Variants in FAM83A observed in about 807,000 individuals in gnomAD.
The protein encoded by FAM83A is scaffolding CK1 anchoring protein A.
A neutral mutation model predicts 24.4 loss-of-function variants in FAM83A; 21 were observed. The observed-to-expected ratio is 0.86, with a 90% CI of 0.61 to 1.24. The LOEUF (loss-of-function observed/expected upper bound fraction) is 1.24, where lower values mean the gene tolerates loss of function less well. FAM83A is among the 50% of genes most tolerant of loss of function. The pLI, the probability that FAM83A is intolerant of heterozygous loss-of-function variation, is 0.00. For missense variants in FAM83A, 617 were observed against 579.8 expected (o/e 1.06, Z -0.66); for synonymous variants, 270 against 252.4 (o/e 1.07, Z -0.66).
chr8:123,197,458 G>A (rs1398624255), intron 3 of FAM83A, among the ~76,000 whole-genome samples: 2 of 152,262 alleles, frequency 1.3e-5, no homozygotes, highest in East Asian at 1.9e-4. Context: ...TTAACATAAC[G>A]TTTTCCAGGC....
exon 4 of FAM83A, chr8:123,207,726 T>C: frequency 7.0e-7 from 1 of 1,428,596 alleles, no homozygotes; most frequent in Non-Finnish European, 9.1e-7. Flanking sequence ...GGCCCAGGGC[T>C]GGGCACTCCC....
At chr8:123,184,010 A>G (rs751372287) in intron 1 of FAM83A, among the ~76,000 whole-genome samples, 2 of 152,092 alleles carry the variant, frequency 1.3e-5, no homozygotes, top group Non-Finnish European at 2.9e-5. Context: ...TTTCTGTACG[A>G]CAAATCTAAT....
chr8:123,188,470 GTTTC>G (rs1212882346), intron 1 of FAM83A, among the ~76,000 whole-genome samples: 1 of 150,450 alleles, frequency 6.6e-6, no homozygotes, highest in African/African-American at 2.4e-5. Context: ...TTCTTTTTTC[GTTTC>G]TTTTTCTTTC....
At chr8:123,200,960 AAAAAAAAAATAT>A (rs1824330216) in intron 3 of FAM83A, among the ~76,000 whole-genome samples, 1 of 107,890 alleles carries the variant, frequency 9.3e-6, no homozygotes, top group South Asian at 2.8e-4. Flanking sequence ...AAATAAACAA[AAAAAAAAAATAT>A]ATATATATAT....
intron 1 of FAM83A, among the ~76,000 whole-genome samples, chr8:123,184,321 G>T (rs1435364952): frequency 2.0e-5 from 3 of 152,066 alleles, no homozygotes; most frequent in African/African-American, 7.2e-5. Context: ...ATGTAACGGG[G>T]CCACTCCGCT....
In FAM83A at chr8:123,207,581, A is replaced by T. The variant is rs759893635; in HGVS notation, c.1198A>T (p.Asn400Tyr). Residue 400 changes from asparagine (N) to tyrosine (Y), a missense_variant, in exon 4 of 4, where the codon AAC becomes TAC. By Grantham distance (143) the Asn-to-Tyr change is moderately radical (BLOSUM62 -2). Transcript: ENST00000690554. The stretch of plus-strand genomic sequence containing the variant: ...CGGCCCGCCCGCCGCTGTCTACAGC[A>T]ACCTGGGGGCCTACAGGCCCACGCG... 139 of 1,574,802 alleles carry T rather than the reference A, an allele frequency of 8.8e-5. No individual in the cohort carries two copies. The highest frequency in any genetic ancestry group is 1.2e-4 in the Non-Finnish European group (137 of 1,166,286).
At chr8:123,182,571 C>T (rs1823630245), upstream of FAM83A, 1 of 628,406 alleles carries the variant, frequency 1.6e-6, no homozygotes, top group Non-Finnish European at 3.0e-6. Context: ...TATCCCATGG[C>T]TGACTGTGCC....
At chr8:123,196,050 C>T (rs1824140674) in intron 3 of FAM83A, among the ~76,000 whole-genome samples, 1 of 152,248 alleles carries the variant, frequency 6.6e-6, no homozygotes, top group Non-Finnish European at 1.5e-5. Flanking sequence ...CTCGCTCTGT[C>T]ACCCAGGCTG....
At chr8:123,192,069 T>A in intron 2 of FAM83A, 99 bp downstream of exon 2, 2 of 1,362,044 alleles carry the variant, frequency 1.5e-6, no homozygotes, top group Non-Finnish European at 2.0e-6. Flanking sequence ...GTTAATAGCT[T>A]AACACAATAA....
At chr8:123,206,843 G>T (rs1824566917) in intron 3 of FAM83A, among the ~76,000 whole-genome samples, 1 of 152,094 alleles carries the variant, frequency 6.6e-6, no homozygotes, top group African/African-American at 2.4e-5. Context: ...GCCCCGAGGG[G>T]ACCCACAACT....
chr8:123,181,082 G>C (rs554925052), upstream of FAM83A, among the ~76,000 whole-genome samples: 44 of 152,270 alleles, frequency 2.9e-4, no homozygotes, highest in African/African-American at 9.6e-4. Flanking sequence ...CAGTAGCTGG[G>C]ACTACAGGCG....
chr8:123,209,540 A>T lies in FAM83A; in HGVS notation c.*1852A>T. ...TGTTTCACAGCTGACGGCTGAGATG[A>T]GGTTAGAATGACTGGGCCCGGCTGA... On this transcript the variant is annotated 3_prime_UTR_variant, in exon 4 of 4. Transcript: ENST00000690554. The surrounding 1 kb of genome is among the most constrained non-coding windows in gnomAD (Gnocchi z 4.7). 6.2e-7 allele frequency: 1 copy of T among 1,614,064 alleles called. No homozygotes were observed. The highest frequency in any genetic ancestry group is 8.5e-7 in the Non-Finnish European group (1 of 1,179,998).
intron 1 of FAM83A, among the ~76,000 whole-genome samples, chr8:123,188,006 G>A (rs781435236): frequency 5.9e-5 from 9 of 151,812 alleles, no homozygotes; most frequent in Admixed American, 1.3e-4. Context: ...GATTACAGGC[G>A]CATGCCACCA....
intron 3 of FAM83A, among the ~76,000 whole-genome samples, chr8:123,200,152 G>A (rs539126726): frequency 3.7e-4 from 57 of 152,128 alleles, no homozygotes; most frequent in African/African-American, 1.4e-3. Flanking sequence ...GCACATGATG[G>A]GCAACTCACT....
upstream of FAM83A, chr8:123,181,505 A>C (rs913534795): frequency 6.5e-6 from 1 of 153,284 alleles, no homozygotes; most frequent in Non-Finnish European, 1.5e-5. Flanking sequence ...CTCCCACAGC[A>C]CTCTGCCTGT....
chr8:123,208,978 AAAAG>A (rs1824649922), exon 4 of FAM83A: 2 of 986,176 alleles, frequency 2.0e-6, no homozygotes, highest in South Asian at 4.7e-5. Flanking sequence ...AAAAAAAAAA[AAAAG>A]AGAGAGAGCA....
intron 3 of FAM83A, among the ~76,000 whole-genome samples, chr8:123,203,586 CAAAA>C (rs1187426797): frequency 0.05 from 2,052 of 41,076 alleles, 42 homozygotes; most frequent in African/African-American, 0.14. Flanking sequence ...AGATCTGTCT[CAAAA>C]AAAAAAAAAA....
At chr8:123,196,460 TTGAA>T (rs1234518737) in intron 3 of FAM83A, among the ~76,000 whole-genome samples, 3 of 152,258 alleles carry the variant, frequency 2.0e-5, no homozygotes, top group African/African-American at 7.2e-5. Flanking sequence ...GTGTTTGCAG[TTGAA>T]TGGAGAGGTT....
At chr8:123,183,688 T>C in intron 1 of FAM83A, among the ~76,000 whole-genome samples, 1 of 149,810 alleles carries the variant, frequency 6.7e-6, no homozygotes, top group East Asian at 1.9e-4. Flanking sequence ...TCTTTCTTTT[T>C]TTTTTTCTTT....
Sources: gnomAD v4.1 joint callset for allele counts (sites outside exome capture counted in the v4.1 genomes callset) on GRCh38, gnomAD v4.1.1 for gene constraint, Gnocchi (gnomAD v3.1) non-coding constraint, MANE v1.5 for transcripts, NCBI Gene and HGNC (gene_info 2026-07-23, HGNC 2026-07-21) for gene names.